Variants in CCNYL1 observed in about 807,000 individuals in gnomAD.
The protein encoded by CCNYL1 is cyclin-Y-like protein 1.
Under a neutral mutation model 44.2 loss-of-function variants are expected in CCNYL1, and 16 were observed. The observed-to-expected ratio is 0.36, with a 90% CI of 0.25 to 0.55. The LOEUF is 0.55. CCNYL1 is among the 20% of genes least tolerant of loss of function. The pLI is 0.85. For missense variants in CCNYL1, 348 were observed against 451.8 expected (o/e 0.77, Z 2.08); for synonymous variants, 159 against 163.2 (o/e 0.97, Z 0.20).
chr2:207,753,410 T>A (rs986011793), intron 9 of CCNYL1, among the ~76,000 whole-genome samples, 178 bp from the exon 10 acceptor site: 3 of 152,346 alleles, frequency 2.0e-5, no homozygotes, highest in African/African-American at 7.2e-5. Context: ...GATATTACCT[T>A]GGTGAACTGT....
In CCNYL1 at chr2:207,751,039, G is replaced by T. The variant is rs1202276256; in HGVS notation, c.889G>T (p.Asp297Tyr). 8 of 1,613,900 alleles carry T rather than the reference G, an allele frequency of 5.0e-6. No homozygotes were observed. Among genetic ancestry groups the T allele is most frequent in the Non-Finnish European group, 6.8e-6 (8 of 1,179,938 alleles). Reference sequence around the variant, plus strand: ...CAGTGTTTATGCCAAATACTACTTTGACCTTCGCTCCTTAGCAGATGACAA... The same window carrying T: ...CAGTGTTTATGCCAAATACTACTTTTACCTTCGCTCCTTAGCAGATGACAA... ...PASVYAKYYF[D>Y]LRSLADDNNL... Residue 297 changes from aspartate to tyrosine, a missense_variant, in exon 9 of 10, where the codon GAC becomes TAC. Asp to Tyr is a radical substitution (Grantham distance 160). Transcript: ENST00000295414.
intron 7 of CCNYL1, 121 bp downstream of exon 7, chr2:207,742,463 T>C: frequency 1.1e-6 from 1 of 906,176 alleles, no homozygotes; most frequent in Non-Finnish European, 1.6e-6. Context: ...GAGAAACCTA[T>C]GAAAGGAACA....
At chr2:207,716,887 A>G (rs1326061283) in intron 1 of CCNYL1, among the ~76,000 whole-genome samples, 2 of 152,284 alleles carry the variant, frequency 1.3e-5, no homozygotes, top group South Asian at 2.1e-4. Flanking sequence ...AGGCGGGTGG[A>G]TCACGAGGTC....
chr2:207,727,672 T>C (rs140222053), intron 3 of CCNYL1, among the ~76,000 whole-genome samples: 11 of 152,310 alleles, frequency 7.2e-5, no homozygotes, highest in African/African-American at 2.4e-4. Flanking sequence ...GTTCCATTTT[T>C]CTCTTGGAGA....
Position 207,754,660 on chromosome 2 carries a change from T to C in CCNYL1, c.*962T>C, listed in dbSNP as rs1184701640. The C allele has an allele frequency of 2.0e-5, 3 of 153,128 alleles. No homozygotes were observed. Among genetic ancestry groups the C allele is most frequent in the Non-Finnish European group, 2.9e-5 (2 of 68,180 alleles). 9.5% of individuals were successfully genotyped at this position (153,128 alleles called of 1,614,324 possible). On this transcript the variant is annotated 3_prime_UTR_variant, in exon 10 of 10. Transcript: ENST00000295414. ...TAAAGAGATGGGGGTCTTACTGCGT[T>C]GTCCAGGCTGGAGTGCAGTGGCTTT...
chr2:207,742,019 C>T (rs1375591615), intron 6 of CCNYL1, among the ~76,000 whole-genome samples: 3 of 144,028 alleles, frequency 2.1e-5, no homozygotes, highest in African/African-American at 5.2e-5. Flanking sequence ...GGCGTGGTGG[C>T]GGGTGCCTGT....
rs570909481 is a variant in CCNYL1, at chr2:207,731,519, T to G, written c.331-2428T>G. On this transcript the variant is annotated intron_variant, in intron 3 of 9. Transcript: ENST00000295414. ...CAGTAGTGTTTTGTTGTTTGGATTTTTTTTAAGTATTTATATTTTATATTA... is the reference window on the plus strand; with the variant it reads ...CAGTAGTGTTTTGTTGTTTGGATTTGTTTTAAGTATTTATATTTTATATTA... Among the ~76,000 whole-genome samples, 23 of 152,304 alleles carry G rather than the reference T, an allele frequency of 1.5e-4. No individual in the cohort carries two copies. The South Asian group carries it at 4.8e-3, about 32-fold the overall frequency.
intron 1 of CCNYL1, 39 bp from the exon 2 acceptor site, chr2:207,724,761 T>A: frequency 1.4e-6 from 2 of 1,403,260 alleles, no homozygotes; most frequent in Non-Finnish European, 2.0e-6. Flanking sequence ...TCTTTTCTAC[T>A]CACCTAAAGT....
Position 207,755,066 on chromosome 2 carries a change from G to A in CCNYL1, c.*1368G>A, listed in dbSNP as rs1284706967. ...AACGTTATCAAGACCCCATCTCTTA[G>A]AAAAATGCAAAATTAAATGCAAAAG... On this transcript the variant is annotated 3_prime_UTR_variant, in exon 10 of 10. Coordinates refer to ENST00000295414, the MANE Select transcript of CCNYL1 (RefSeq NM_001330218.2). The A allele has an allele frequency of 6.6e-6, 1 of 151,852 alleles. No individual in the cohort carries two copies. Among genetic ancestry groups the A allele is most frequent in the East Asian group, 2.0e-4 (1 of 5,128 alleles). 9.4% of individuals were successfully genotyped at this position (151,852 alleles called of 1,614,324 possible). A position where few individuals can be genotyped will look rare whatever the true frequency, so the allele number is the denominator to read the frequency against.
intron 2 of CCNYL1, among the ~76,000 whole-genome samples, chr2:207,726,520 A>G (rs989112612): frequency 6.6e-6 from 1 of 152,234 alleles, no homozygotes; most frequent in Non-Finnish European, 1.5e-5. Flanking sequence ...CTGCTGGATG[A>G]TGGTTCAGAT....
chr2:207,740,636 G>A lies in CCNYL1; in HGVS notation c.468-19G>A, dbSNP rs577181585. 35 of 1,516,484 alleles carry A rather than the reference G, an allele frequency of 2.3e-5. 1 individual carries two copies. The South Asian group carries it at 3.6e-4, about 16-fold the overall frequency. 93.9% of individuals were successfully genotyped at this position (1,516,484 alleles called of 1,614,324 possible). On this transcript the variant is annotated intron_variant, in intron 5 of 9. Coordinates refer to ENST00000295414, the MANE Select transcript of CCNYL1 (RefSeq NM_001330218.2). ...CAATTCCTGAATTAACTTCTTCAAT[G>A]CATATTCTTATTTTATAGAGATGCA...
intron 1 of CCNYL1, among the ~76,000 whole-genome samples, chr2:207,716,762 AT>A (rs1311897951): frequency 1.3e-5 from 2 of 152,230 alleles, no homozygotes; most frequent in African/African-American, 4.8e-5. Context: ...TCCCTGTAGA[AT>A]TCAGTTAAAT....
chr2:207,722,471 G>T (rs1234197864), intron 1 of CCNYL1, among the ~76,000 whole-genome samples: 1 of 152,184 alleles, frequency 6.6e-6, no homozygotes, highest in Non-Finnish European at 1.5e-5. Context: ...GGAGGTGTGT[G>T]TGTGAAGCCT....
Position 207,717,711 on chromosome 2 carries a change from G to C in CCNYL1, c.220+5595G>C, listed in dbSNP as rs971081112. Among the ~76,000 whole-genome samples, 11 of 152,216 alleles carry C rather than the reference G, an allele frequency of 7.2e-5. No homozygotes were observed. In the East Asian group the frequency reaches 2.1e-3, roughly 29 times the overall value. On this transcript the variant is annotated intron_variant, in intron 1 of 9. Transcript: ENST00000295414. Reference sequence around the variant, plus strand: ...GGGGTCCACACAGACAGTTACTTTGGAGTTCCTTGAATGGGAGCAAACTTG... The same window carrying C: ...GGGGTCCACACAGACAGTTACTTTGCAGTTCCTTGAATGGGAGCAAACTTG...
In CCNYL1 at chr2:207,750,984, G is replaced by T. The variant is rs759407205; in HGVS notation, c.834G>T (p.Glu278Asp). The T allele has an allele frequency of 9.9e-6, 16 of 1,613,884 alleles. No individual in the cohort carries two copies. Among genetic ancestry groups the T allele is most frequent in the Non-Finnish European group, 1.4e-5 (16 of 1,179,850 alleles). The stretch of plus-strand genomic sequence containing the variant: ...ATGAAATGGAAAGGCATTTTCTGGA[G>T]CTTCTTCAGTTTAATATTAATGTTC... ...DMNEMERHFL[E>D]LLQFNINVPA... The change falls in exon 9 of 10, where the codon GAG becomes GAT. Residue 278 changes from glutamate to aspartate, a missense_variant. Around this residue, in one of 3 missense-constraint regions of CCNYL1, gnomAD observed 94 missense variants for 102.4 expected, o/e 0.92. Transcript: ENST00000295414.
At chr2:207,719,065 C>G (rs564268335) in intron 1 of CCNYL1, among the ~76,000 whole-genome samples, 1 of 150,422 alleles carries the variant, frequency 6.6e-6, no homozygotes, top group African/African-American at 2.4e-5. Flanking sequence ...GGAGAATGTA[C>G]AGTAATGTAT....
In CCNYL1 at chr2:207,726,852, G is replaced by A. The variant is rs1237587255; in HGVS notation, c.306G>A (p.Lys102=). The A allele has an allele frequency of 6.4e-7, 1 of 1,565,478 alleles. No individual in the cohort carries two copies. The highest frequency in any genetic ancestry group is 1.2e-5 in the South Asian group (1 of 83,766). ...TTTTTTTATTCTTAGTGCGAGAAAA[G>A]AGGAAGAGCAACCATTTGAACCATG... ...LSKSQTDVRE[K]RKSNHLNHVS... The change falls in exon 3 of 10, where the codon AAG becomes AAA. Residue 102 remains lysine, a synonymous_variant. Coordinates refer to ENST00000295414, the MANE Select transcript of CCNYL1 (RefSeq NM_001330218.2).
At position 207,711,949 on chromosome 2, in the gene CCNYL1, G is replaced by C; in HGVS notation, c.53G>C (p.Gly18Ala). The C allele has an allele frequency of 7.1e-7, 1 of 1,401,134 alleles. No homozygotes were observed. Among genetic ancestry groups the C allele is most frequent in the South Asian group, 1.6e-5 (1 of 64,490 alleles). 86.8% of individuals were successfully genotyped at this position (1,401,134 alleles called of 1,614,324 possible). Residue 18 changes from glycine to alanine, a missense_variant, in exon 1 of 10, where the codon GGC becomes GCC. Gly to Ala is a moderately conservative substitution (Grantham distance 60). Around this residue, in one of 3 missense-constraint regions of CCNYL1, gnomAD observed 209 missense variants for 247.7 expected, o/e 0.84. Coordinates refer to ENST00000295414, the MANE Select transcript of CCNYL1 (RefSeq NM_001330218.2). ...TCCCCCAATGCCAGCCCCAAGCTGG[G>C]CCGGCGCGCGGGGTCGGCGGAGCTG... Reference protein sequence around the residue: ...CVSPNASPKLGRRAGSAELYC... With the variant: ...CVSPNASPKLARRAGSAELYC...
chr2:207,748,174 C>G (rs780136676), intron 8 of CCNYL1, among the ~76,000 whole-genome samples: 2 of 152,128 alleles, frequency 1.3e-5, no homozygotes, highest in Non-Finnish European at 2.9e-5. Context: ...TGACCCCTCC[C>G]CATTAGGAGT....
Sources: gnomAD v4.1 joint callset for allele counts (sites outside exome capture counted in the v4.1 genomes callset) on GRCh38, gnomAD v4.1.1 for gene constraint, gnomAD v4.1.1 regional missense constraint, MANE v1.5 for transcripts, NCBI Gene and HGNC (gene_info 2026-07-23, HGNC 2026-07-21) for gene names.